Variants in GDAP1 observed in about 807,000 individuals in gnomAD.
GDAP1 encodes the protein ganglioside induced differentiation associated protein 1, also known as ganglioside-induced differentiation-associated protein 1.
In GDAP1, 34 loss-of-function variants were observed where a neutral mutation model predicts 40.1. That is an observed-to-expected ratio of 0.85 (90% CI 0.64 to 1.13). The LOEUF (loss-of-function observed/expected upper bound fraction) is 1.13. Ranked by LOEUF, GDAP1 falls within the 50% of genes most tolerant of loss-of-function variation. The pLI is 0.00. For synonymous variants in GDAP1, 170 were observed against 157.4 expected (o/e 1.08, Z -0.60); for missense variants, 374 against 433.7 (o/e 0.86, Z 1.22).
chr8:74,386,362 T>C (rs1163225317), intron 2 of GDAP1, among the ~76,000 whole-genome samples: 5 of 152,236 alleles, frequency 3.3e-5, no homozygotes, highest in Non-Finnish European at 4.4e-5. Context: ...TATTAATTTT[T>C]GTATAAGGTG....
intron 2 of GDAP1, among the ~76,000 whole-genome samples, chr8:74,474,564 T>A (rs1806601274): frequency 6.6e-6 from 1 of 152,212 alleles, no homozygotes; most frequent in South Asian, 2.1e-4. Context: ...GTGGTTTTTG[T>A]TGTTAGTTCT....
chr8:74,412,069 G>A (rs1344346580), intron 2 of GDAP1, among the ~76,000 whole-genome samples: 1 of 149,702 alleles, frequency 6.7e-6, no homozygotes, highest in Non-Finnish European at 1.5e-5. Context: ...GATAAAAGTT[G>A]GGACATTTTC....
intron 2 of GDAP1, among the ~76,000 whole-genome samples, chr8:74,390,756 G>A (rs1563455390): frequency 6.6e-6 from 1 of 152,234 alleles, no homozygotes; most frequent in East Asian, 1.9e-4. Context: ...AGGCAGGAAT[G>A]TTTAAGTCTG....
chr8:74,479,981 A>ACT (rs1554558716), intron 2 of GDAP1, among the ~76,000 whole-genome samples: 1 of 131,116 alleles, frequency 7.6e-6, no homozygotes, highest in Non-Finnish European at 1.6e-5. Flanking sequence ...GAAGAAATGG[A>ACT]CTCTCTTTTT....
At chr8:74,454,752 A>G (rs1806315168) in intron 2 of GDAP1, among the ~76,000 whole-genome samples, 2 of 151,222 alleles carry the variant, frequency 1.3e-5, no homozygotes, top group Non-Finnish European at 1.5e-5. Flanking sequence ...ATAATGCCAA[A>G]TAATTATAAT....
intron 2 of GDAP1, among the ~76,000 whole-genome samples, chr8:74,434,689 G>A (rs1806067664): frequency 6.6e-6 from 1 of 152,158 alleles, no homozygotes; most frequent in Non-Finnish European, 1.5e-5. Context: ...GCCGTCCCAA[G>A]AGTAATCATA....
At chr8:74,402,581 G>A (rs1413585345) in intron 2 of GDAP1, among the ~76,000 whole-genome samples, 3 of 150,170 alleles carry the variant, frequency 2.0e-5, no homozygotes, top group Non-Finnish European at 2.9e-5. Flanking sequence ...CCCACTTCTG[G>A]CACTCCCTAG....
chr8:74,385,528 A>C (rs761919711), intron 2 of GDAP1, among the ~76,000 whole-genome samples: 1 of 152,202 alleles, frequency 6.6e-6, no homozygotes, highest in Non-Finnish European at 1.5e-5. Context: ...TTGTGGTTAC[A>C]TAGTATTCCA....
At position 74,402,217 on chromosome 8, in the gene GDAP1, C is replaced by A. The variant is rs1194916799; in HGVS notation, c.165+50896C>A. Among the ~76,000 whole-genome samples, 5 of 150,550 alleles carry A rather than the reference C, an allele frequency of 3.3e-5. 1 individual carries two copies. The highest frequency in any genetic ancestry group is 1.3e-4 in the African/African-American group (5 of 39,800). ...TGTGGTGGGCTCCACCCAATTGGAG[C>A]TTCCCGGCTGCTTTGTTTACCTAAG... On this transcript the variant is annotated intron_variant, in intron 2 of 2. Coordinates refer to the GDAP1 transcript ENST00000523640.
At chr8:74,378,887 C>T (rs1038223323) in intron 2 of GDAP1, among the ~76,000 whole-genome samples, 1 of 152,102 alleles carries the variant, frequency 6.6e-6, no homozygotes, top group Admixed American at 6.5e-5. Flanking sequence ...CATGATCTAC[C>T]CTTGACAGGA....
intron 2 of GDAP1, among the ~76,000 whole-genome samples, chr8:74,470,410 C>A (rs1290868954): frequency 1.3e-5 from 2 of 152,148 alleles, no homozygotes; most frequent in South Asian, 4.1e-4. Flanking sequence ...CCTCTACCCC[C>A]ACCCCACAAC....
chr8:74,365,957 C>A lies in GDAP1; in HGVS notation c.*1590C>A, dbSNP rs778073813. 1 of 452,682 alleles carries A rather than the reference C, an allele frequency of 2.2e-6. No individual in the cohort carries two copies. The highest frequency in any genetic ancestry group is 1.6e-5 in the South Asian group (1 of 63,806). 28.0% of individuals were successfully genotyped at this position (452,682 alleles called of 1,614,324 possible). ...CATTAGAGCCATAGAAGTTATTATT[C>A]ATTAGTTCATAGTGTTTGAGTTCTT... On this transcript the variant is annotated 3_prime_UTR_variant, in exon 6 of 6. Transcript: ENST00000220822.
chr8:74,434,727 AG>A (rs1273659360), intron 2 of GDAP1, among the ~76,000 whole-genome samples: 1 of 152,136 alleles, frequency 6.6e-6, no homozygotes, highest in Admixed American at 6.5e-5. Context: ...TTTTATCCCT[AG>A]TTCTGTAAGG....
chr8:74,350,614 T>A, intron 1 of GDAP1, 36 bp downstream of exon 1: 1 of 1,288,810 alleles, frequency 7.8e-7, no homozygotes, highest in South Asian at 1.2e-5. Context: ...GTGGCGCGGA[T>A]CGGGCTTCAG....
At chr8:74,406,555 T>C (rs1805644856) in intron 2 of GDAP1, among the ~76,000 whole-genome samples, 1 of 150,240 alleles carries the variant, frequency 6.7e-6, no homozygotes, top group Non-Finnish European at 1.5e-5. Flanking sequence ...ACAGCAGCAG[T>C]CTTATTTAAT....
At chr8:74,480,456 A>G (rs2128721545) in intron 2 of GDAP1, among the ~76,000 whole-genome samples, 1 of 152,332 alleles carries the variant, frequency 6.6e-6, no homozygotes, top group African/African-American at 2.4e-5. Flanking sequence ...CTGAACTAGA[A>G]TATTGGTTGC....
chr8:74,458,180 G>C lies in GDAP1; in HGVS notation c.166-30498G>C, dbSNP rs756118785. On this transcript the variant is annotated intron_variant, in intron 2 of 2. Coordinates refer to the GDAP1 transcript ENST00000523640. The stretch of plus-strand genomic sequence containing the variant: ...ACTCATTGCAAACTTTATTGAGATG[G>C]TGAATTCAAATGAATACCTATACTT... Among the ~76,000 whole-genome samples the C allele has an allele frequency of 2.0e-5, 3 of 151,892 alleles. No individual in the cohort carries two copies. In the South Asian group the frequency reaches 6.2e-4, roughly 31 times the overall value.
chr8:74,411,893 A>T (rs1390464546), intron 2 of GDAP1, among the ~76,000 whole-genome samples: 1 of 149,656 alleles, frequency 6.7e-6, no homozygotes, highest in African/African-American at 2.6e-5. Context: ...AAAAAAAAAT[A>T]ATAATAACTT....
At chr8:74,383,288 G>A (rs1809980856) in intron 2 of GDAP1, among the ~76,000 whole-genome samples, 1 of 152,168 alleles carries the variant, frequency 6.6e-6, no homozygotes, top group Non-Finnish European at 1.5e-5. Flanking sequence ...GCAGGTTTCT[G>A]ATGGCTTTCA....
Sources: allele counts gnomAD v4.1 joint callset (sites outside exome capture counted in the v4.1 genomes callset), GRCh38; gene constraint gnomAD v4.1.1; transcripts MANE v1.5; gene names NCBI Gene and HGNC (gene_info 2026-07-23, HGNC 2026-07-21).